LRFN5: variants seen among roughly 807,000 people sequenced by gnomAD.
The protein encoded by LRFN5 is leucine-rich repeat and fibronectin type-III domain-containing protein 5.
A neutral mutation model predicts 45.6 loss-of-function variants in LRFN5; 24 were observed. The observed-to-expected ratio is 0.53, with a 90% CI of 0.38 to 0.74. The LOEUF is 0.74. LRFN5 is among the 30% of genes least tolerant of loss of function. LRFN5 has a pLI of 0.00. For missense variants in LRFN5, 776 were observed against 861.5 expected, an observed-to-expected ratio of 0.90 and a Z score of 1.24; for synonymous variants, 340 against 313.8, an observed-to-expected ratio of 1.08 and a Z score of -0.88.
At chr14:41,625,452 C>T (rs1044783397) in intron 1 of LRFN5, among the ~76,000 whole-genome samples, 4 of 152,146 alleles carry the variant, frequency 2.6e-5, no homozygotes, top group African/African-American at 9.7e-5. Flanking sequence ...AAAGCCTCCC[C>T]AGCCATGCAA....
intron 4 of LRFN5, among the ~76,000 whole-genome samples, chr14:41,897,170 G>A (rs996421914): frequency 6.6e-6 from 1 of 151,372 alleles, no homozygotes; most frequent in African/African-American, 2.4e-5. Context: ...TGTTTTGATT[G>A]AGCCATCCTA....
chr14:41,868,194 C>G (rs368819290), intron 2 of LRFN5, among the ~76,000 whole-genome samples: 113 of 152,108 alleles, frequency 7.4e-4, no homozygotes, highest in African/African-American at 2.6e-3. Flanking sequence ...TTCAAAAGCT[C>G]ATAAAAATTA....
At chr14:41,689,331 G>T (rs1457536746) in intron 1 of LRFN5, among the ~76,000 whole-genome samples, 8 of 151,980 alleles carry the variant, frequency 5.3e-5, no homozygotes, top group Admixed American at 5.2e-4. Context: ...TCTTCGAAAA[G>T]ATTAACAACA....
chr14:41,750,600 C>T (rs1450167550), intron 1 of LRFN5, among the ~76,000 whole-genome samples: 2 of 152,024 alleles, frequency 1.3e-5, no homozygotes, highest in African/African-American at 2.4e-5. Flanking sequence ...TTACCACTTA[C>T]GCAAAATTAT....
At chr14:41,618,166 T>A (rs1416486850) in intron 1 of LRFN5, among the ~76,000 whole-genome samples, 1 of 152,186 alleles carries the variant, frequency 6.6e-6, no homozygotes, top group Non-Finnish European at 1.5e-5. Context: ...TAGATATAAC[T>A]GTTATCAGGA....
chr14:41,618,959 A>G (rs568366914), intron 1 of LRFN5, among the ~76,000 whole-genome samples: 1 of 152,254 alleles, frequency 6.6e-6, no homozygotes, highest in African/African-American at 2.4e-5. Context: ...TGTGCATGAT[A>G]AGTAATTTTG....
intron 1 of LRFN5, among the ~76,000 whole-genome samples, chr14:41,754,880 C>A (rs1885304360): frequency 6.6e-6 from 1 of 151,976 alleles, no homozygotes; most frequent in South Asian, 2.1e-4. Context: ...TAGATCTTTC[C>A]TGCTTTCTCT....
chr14:41,735,105 G>A (rs902449222), intron 1 of LRFN5, among the ~76,000 whole-genome samples: 1 of 151,554 alleles, frequency 6.6e-6, no homozygotes, highest in African/African-American at 2.4e-5. Flanking sequence ...AGTTTTACTC[G>A]ACTTATTTTT....
rs1355332616 is a variant in LRFN5 at position 41,639,735 on chromosome 14, G to T, written c.-197+31173G>T. Among the ~76,000 whole-genome samples, 12 of 151,862 alleles carry T rather than the reference G, an allele frequency of 7.9e-5. 1 individual carries two copies. Among genetic ancestry groups the T allele is most frequent in the Admixed American group, 7.2e-4 (11 of 15,202 alleles). Reference sequence around the variant, plus strand: ...TATAATAAAAACTGTTGCATTGATGGTATCCAGCACATTCTTGTCTTTACT... The same window carrying T: ...TATAATAAAAACTGTTGCATTGATGTTATCCAGCACATTCTTGTCTTTACT... On this transcript the variant is annotated intron_variant, in intron 1 of 5. Transcript: ENST00000298119.
intron 1 of LRFN5, among the ~76,000 whole-genome samples, chr14:41,722,575 T>C (rs1282453696): frequency 6.6e-6 from 1 of 151,560 alleles, no homozygotes; most frequent in African/African-American, 2.4e-5. Context: ...GTTTTTTTTT[T>C]TTCTTTCTCT....
intron 2 of LRFN5, among the ~76,000 whole-genome samples, chr14:41,849,618 C>T (rs1889195025): frequency 1.3e-5 from 2 of 151,916 alleles, no homozygotes; most frequent in African/African-American, 4.8e-5. Context: ...TTAAGAACTA[C>T]CTCAAACATC....
chr14:41,737,484 A>T (rs1409633531), intron 1 of LRFN5, among the ~76,000 whole-genome samples: 3 of 152,136 alleles, frequency 2.0e-5, no homozygotes, highest in African/African-American at 7.2e-5. Context: ...TCAACATAGT[A>T]TTGGAAGTTC....
At chr14:41,794,028 T>C (rs1887030819) in intron 2 of LRFN5, among the ~76,000 whole-genome samples, 1 of 152,078 alleles carries the variant, frequency 6.6e-6, no homozygotes, top group Non-Finnish European at 1.5e-5. Flanking sequence ...ACCAACTTCA[T>C]AGATTTTATT....
chr14:41,829,211 C>T (rs1287236967), intron 2 of LRFN5, among the ~76,000 whole-genome samples: 1 of 151,896 alleles, frequency 6.6e-6, no homozygotes, highest in East Asian at 1.9e-4. Context: ...TCTATGAAGA[C>T]AGAGATTAGT....
chr14:41,884,282 G>GT (rs1260891189), intron 2 of LRFN5, among the ~76,000 whole-genome samples: 3 of 152,088 alleles, frequency 2.0e-5, no homozygotes, highest in African/African-American at 7.2e-5. Context: ...AAAACTTGTT[G>GT]TTTTATATAT....
intron 2 of LRFN5, among the ~76,000 whole-genome samples, chr14:41,823,384 T>C (rs1888190173): frequency 6.6e-6 from 1 of 151,840 alleles, no homozygotes. Flanking sequence ...ATCCTCCATT[T>C]ATGAAGCTTA....
In LRFN5 at chr14:41,677,939, G is replaced by A. The variant is rs576635659; in HGVS notation, c.-197+69377G>A. Among the ~76,000 whole-genome samples, 24 of 151,946 alleles carry A rather than the reference G, an allele frequency of 1.6e-4. No individual in the cohort carries two copies. In the South Asian group the frequency reaches 2.7e-3, roughly 17 times the overall value. ...CAAAAGACCAAATGGCAATATAAACGCAACTATATTGATAATAAATTTAAA... is the reference window on the plus strand; with the variant it reads ...CAAAAGACCAAATGGCAATATAAACACAACTATATTGATAATAAATTTAAA... On this transcript the variant is annotated intron_variant, in intron 1 of 5. Transcript: ENST00000298119.
At chr14:41,864,596 C>G (rs141104009) in intron 2 of LRFN5, among the ~76,000 whole-genome samples, 97 of 152,274 alleles carry the variant, frequency 6.4e-4, no homozygotes, top group Non-Finnish European at 1.1e-3. Flanking sequence ...TTTACATCTG[C>G]AGTAACCTTA....
chr14:41,845,459 G>A (rs1412159973), intron 2 of LRFN5, among the ~76,000 whole-genome samples: 2 of 151,980 alleles, frequency 1.3e-5, no homozygotes, highest in Non-Finnish European at 2.9e-5. Context: ...TATTTGCATG[G>A]TGTATCTAAA....
Sources: gnomAD v4.1 joint callset for allele counts (sites outside exome capture counted in the v4.1 genomes callset) on GRCh38, gnomAD v4.1.1 for gene constraint, MANE v1.5 for transcripts, NCBI Gene and HGNC (gene_info 2026-07-23, HGNC 2026-07-21) for gene names.